SOX6: variants seen among roughly 807,000 people sequenced by gnomAD.
SOX6 encodes transcription factor SOX-6.
In SOX6, 11 loss-of-function variants were observed where a neutral mutation model predicts 97.8. That is an observed-to-expected ratio of 0.11 (90% confidence interval 0.07 to 0.19). The LOEUF (loss-of-function observed/expected upper bound fraction) is 0.19, where lower values mean the gene tolerates loss of function less well. Ranked by LOEUF, SOX6 falls within the 10% of genes least tolerant of loss-of-function variation. The pLI, the probability that SOX6 is intolerant of heterozygous loss-of-function variation, is 1.00. For synonymous variants in SOX6, 360 were observed against 371.4 expected, an observed-to-expected ratio of 0.97 and a Z score of 0.35; for missense variants, 810 against 1,039.5, an observed-to-expected ratio of 0.78 and a Z score of 3.04.
At chr11:16,281,807 C>T (rs1470765623) in intron 3 of SOX6, among the ~76,000 whole-genome samples, 2 of 151,604 alleles carry the variant, frequency 1.3e-5, no homozygotes, top group African/African-American at 4.8e-5. Context: ...CATGATGATA[C>T]ACCAACGCAA....
At chr11:16,408,128 T>C (rs147444501) in intron 1 of SOX6, among the ~76,000 whole-genome samples, 1 of 152,130 alleles carries the variant, frequency 6.6e-6, no homozygotes, top group Non-Finnish European at 1.5e-5. Flanking sequence ...TTCAAGGTCA[T>C]GGAAAAGAGC....
intron 4 of SOX6, among the ~76,000 whole-genome samples, chr11:16,224,130 C>T (rs1852619367): frequency 1.3e-5 from 2 of 151,884 alleles, no homozygotes; most frequent in South Asian, 4.1e-4. Context: ...CATATAAGAA[C>T]ATTTTATAAT....
At chr11:16,040,545 C>T (rs1412946481) in intron 12 of SOX6, among the ~76,000 whole-genome samples, 1 of 152,032 alleles carries the variant, frequency 6.6e-6, no homozygotes, top group Non-Finnish European at 1.5e-5. Flanking sequence ...TAAAAAAACA[C>T]TATCGCAAGT....
chr11:16,478,955 A>G (rs1319191280), upstream of SOX6, among the ~76,000 whole-genome samples: 2 of 152,178 alleles, frequency 1.3e-5, no homozygotes, highest in African/African-American at 4.8e-5. Context: ...CTAATCACCC[A>G]TGGATTGTTC....
intron 9 of SOX6, among the ~76,000 whole-genome samples, chr11:16,073,485 C>G (rs912398279): frequency 6.6e-6 from 1 of 152,018 alleles, no homozygotes; most frequent in Non-Finnish European, 1.5e-5. Context: ...GTTAGAGAAT[C>G]ATACAAACAT....
chr11:16,509,513 T>C (rs1860845587), intron 4 of SOX6, among the ~76,000 whole-genome samples: 1 of 151,962 alleles, frequency 6.6e-6, no homozygotes, highest in Admixed American at 6.6e-5. Flanking sequence ...TAATATAACA[T>C]GCTGTTTTTC....
intron 4 of SOX6, among the ~76,000 whole-genome samples, chr11:16,228,330 G>A (rs1021911190): frequency 2.6e-5 from 4 of 152,014 alleles, no homozygotes; most frequent in African/African-American, 7.3e-5. Flanking sequence ...TGTAATAATT[G>A]TAATAATATT....
At chr11:16,289,035 C>T (rs1197576313) in intron 3 of SOX6, among the ~76,000 whole-genome samples, 1 of 151,662 alleles carries the variant, frequency 6.6e-6, no homozygotes, top group Admixed American at 6.6e-5. Context: ...AAGATGTCCT[C>T]ATATTAATGA....
At position 16,402,878 on chromosome 11, in the gene SOX6, T is replaced by G. The variant is rs1858599017; in HGVS notation, c.-4-61626A>C. Reference sequence around the variant, plus strand: ...TCTCTCCTAACAACTAAAACTACACTCAGTTGGGCTGAATTCCAGATTGTC... The same window carrying G: ...TCTCTCCTAACAACTAAAACTACACGCAGTTGGGCTGAATTCCAGATTGTC... On this transcript the variant is annotated intron_variant, in intron 1 of 15. Transcript: ENST00000396356. 3 of 1,523,784 alleles carry G rather than the reference T, an allele frequency of 2.0e-6. No homozygotes were observed. In the African/African-American group the frequency reaches 4.2e-5, roughly 21 times the overall value. The allele number at this position is 1,523,784 out of a possible 1,614,324, so 94.4% of individuals were successfully genotyped here.
intron 6 of SOX6, among the ~76,000 whole-genome samples, chr11:16,139,154 T>A (rs1390343147): frequency 6.6e-6 from 1 of 152,214 alleles, no homozygotes; most frequent in Non-Finnish European, 1.5e-5. Context: ...TAATGTCGCC[T>A]GAGTAATATA....
chr11:16,709,646 G>T (rs933542403), intron 3 of SOX6, among the ~76,000 whole-genome samples: 1 of 152,202 alleles, frequency 6.6e-6, no homozygotes, highest in Non-Finnish European at 1.5e-5. Context: ...CCACTGCCAT[G>T]CTTTCTGTAC....
intron 4 of SOX6, among the ~76,000 whole-genome samples, chr11:16,536,751 G>A (rs991316666): frequency 3.9e-5 from 6 of 152,184 alleles, no homozygotes; most frequent in South Asian, 4.1e-4. Context: ...GTGGTGGGAC[G>A]GCCATCCGCC....
chr11:16,506,991 A>G (rs1860798247), intron 4 of SOX6, among the ~76,000 whole-genome samples: 1 of 93,366 alleles, frequency 1.1e-5, no homozygotes, highest in Admixed American at 1.1e-4. Flanking sequence ...TTGAGCCAAG[A>G]AGGCAGAGGT....
chr11:16,296,924 C>T (rs1855112120), intron 3 of SOX6, among the ~76,000 whole-genome samples: 1 of 151,988 alleles, frequency 6.6e-6, no homozygotes, highest in Admixed American at 6.6e-5. Flanking sequence ...AGTAAAAACA[C>T]CCATCAGGAC....
At chr11:16,358,831 C>A (rs1469010635), upstream of SOX6, among the ~76,000 whole-genome samples, 2 of 152,088 alleles carry the variant, frequency 1.3e-5, no homozygotes, top group East Asian at 3.8e-4. Flanking sequence ...GACTCTAAGG[C>A]AATCCTAATA....
intron 3 of SOX6, among the ~76,000 whole-genome samples, chr11:16,283,570 A>G (rs1449990729): frequency 6.6e-6 from 1 of 151,786 alleles, no homozygotes; most frequent in African/African-American, 2.4e-5. Context: ...ACACTAACAT[A>G]AGAAAACCCT....
At chr11:16,733,576 TG>T (rs1848367594) in intron 2 of SOX6, among the ~76,000 whole-genome samples, 1 of 16,642 alleles carries the variant, frequency 6.0e-5, no homozygotes, top group African/African-American at 2.6e-4. Flanking sequence ...CGGGGCCTGT[TG>T]GGGGTGGGGG....
intron 3 of SOX6, among the ~76,000 whole-genome samples, chr11:16,704,645 T>C (rs1848118383): frequency 6.6e-6 from 1 of 152,192 alleles, no homozygotes; most frequent in Admixed American, 6.5e-5. Flanking sequence ...AGGCAACAAG[T>C]TAAGAAGGTG....
At chr11:16,532,084 T>C (rs997185684) in intron 4 of SOX6, among the ~76,000 whole-genome samples, 3 of 151,892 alleles carry the variant, frequency 2.0e-5, no homozygotes, top group Non-Finnish European at 2.9e-5. Context: ...TTTCTTCTTA[T>C]TTTCCTATAT....
Sources: gnomAD v4.1 joint callset for allele counts (sites outside exome capture counted in the v4.1 genomes callset) on GRCh38, gnomAD v4.1.1 for gene constraint, MANE v1.5 for transcripts, NCBI Gene and HGNC (gene_info 2026-07-23, HGNC 2026-07-21) for gene names.